Variants in PRELID3B observed in about 807,000 individuals in gnomAD.
The protein encoded by PRELID3B is PRELI domain containing protein 3B.
A neutral mutation model predicts 24.0 loss-of-function variants in PRELID3B; 15 were observed. The observed-to-expected ratio is 0.63, with a 90% confidence interval of 0.42 to 0.96. PRELID3B has a LOEUF of 0.96. Ranked by LOEUF, PRELID3B falls within the 40% of genes least tolerant of loss-of-function variation. The pLI is 0.00. For synonymous variants in PRELID3B, 62 were observed against 76.0 expected, an observed-to-expected ratio of 0.82 and a Z score of 0.96; for missense variants, 189 against 236.0, an observed-to-expected ratio of 0.80 and a Z score of 1.30.
intron 5 of PRELID3B, among the ~76,000 whole-genome samples, chr20:59,036,174 C>A (rs1427120921): frequency 2.0e-5 from 3 of 152,200 alleles, no homozygotes; most frequent in Non-Finnish European, 4.4e-5. Flanking sequence ...TCAGGCTACA[C>A]ACTTTCCATA....
At chr20:59,042,276 C>G (rs1182523574) in intron 1 of PRELID3B, among the ~76,000 whole-genome samples, 1 of 152,260 alleles carries the variant, frequency 6.6e-6, no homozygotes, top group Non-Finnish European at 1.5e-5. Context: ...AAAGTACACT[C>G]TGGAGAAAAC....
chr20:59,038,674 A>G, intron 1 of PRELID3B, 40 bp from the exon 2 acceptor site: 2 of 1,520,108 alleles, frequency 1.3e-6, no homozygotes, highest in East Asian at 2.3e-5. Flanking sequence ...AAAAATTCAG[A>G]CATTTAAAAT....
intron 2 of PRELID3B, among the ~76,000 whole-genome samples, chr20:59,037,563 G>A (rs563037565): frequency 1.3e-5 from 2 of 152,334 alleles, no homozygotes; most frequent in South Asian, 2.1e-4. Flanking sequence ...GCGGTGCGAC[G>A]GTGGAGCGCT....
intron 5 of PRELID3B, 88 bp downstream of exon 5, chr20:59,036,383 G>T: frequency 2.0e-6 from 2 of 1,005,566 alleles, no homozygotes; most frequent in Non-Finnish European, 3.1e-6. Context: ...GCAAGGGTCA[G>T]CTTACAAGGA....
Position 59,038,607 on chromosome 20 carries a change from A to T in PRELID3B, c.60T>A (p.Ala20=). 6.2e-7 allele frequency: 1 copy of T among 1,611,632 alleles called. No individual in the cohort carries two copies. ...FDHPWETVTT[A]AMQKYPNPMN... is the part of the protein sequence containing the mutation. ...TAGGGTTTGGGTATTTCTGCATTGC[A>T]GCTGTTGTAACAGTTTCCCACGGGT... The change falls in exon 2 of 6, where the codon GCT becomes GCA. Residue 20 remains alanine (A), a synonymous_variant. Transcript: ENST00000355937.
chr20:59,036,737 T>C lies in PRELID3B; in HGVS notation c.315A>G (p.Ser105=), dbSNP rs781082585. 5.0e-6 allele frequency: 8 copies of C among 1,587,442 alleles called. No individual in the cohort carries two copies. In the South Asian group the frequency reaches 5.7e-5, roughly 11 times the overall value. The part of the protein sequence containing the change: ...STNISFTNMV[S]VDERLIYKPH... The stretch of plus-strand genomic sequence containing the variant: ...GTTTGTATATAAGTCTCTCATCTAC[T>C]GAAACCATGTTTGTAAATGAAATCT... Residue 105 remains serine, a synonymous_variant, in exon 4 of 6, where the codon TCA becomes TCG. Coordinates refer to ENST00000355937, the MANE Select transcript of PRELID3B (RefSeq NM_016045.3).
intron 2 of PRELID3B, among the ~76,000 whole-genome samples, chr20:59,037,490 G>A (rs1205150261): frequency 6.6e-6 from 1 of 152,226 alleles, no homozygotes; most frequent in Non-Finnish European, 1.5e-5. Context: ...ACTTTTCCCG[G>A]AGGCAATTAG....
Position 59,034,284 on chromosome 20 carries a change from A to G in PRELID3B, c.*723T>C, listed in dbSNP as rs200543949. ...AGAGCACTGCAAAACTCAGGTAATG[A>G]CTTTATTTTTTTCAGTTAACATAAC... is the stretch of plus-strand genomic sequence containing the variant. On this transcript the variant is annotated 3_prime_UTR_variant, in exon 6 of 6. Transcript: ENST00000355937. 1 of 152,248 alleles carries G rather than the reference A, an allele frequency of 6.6e-6. No homozygotes were observed. The highest frequency in any genetic ancestry group is 1.9e-4 in the East Asian group (1 of 5,200). The allele number at this position is 152,248 out of a possible 1,614,324, so 9.4% of individuals were successfully genotyped here.
In PRELID3B at chr20:59,037,260, C is replaced by T. The variant is rs745389961; in HGVS notation, c.222G>A (p.Thr74=). The T allele has an allele frequency of 4.4e-5, 71 of 1,613,638 alleles. No individual in the cohort carries two copies. The highest frequency in any genetic ancestry group is 5.5e-5 in the Non-Finnish European group (65 of 1,179,722). Residue 74 remains threonine, a synonymous_variant, in exon 3 of 6, where the codon ACG becomes ACA. Transcript: ENST00000355937. The part of the protein sequence containing the change: ...IVKSLIGAAR[T]KTYVQEHSVV... ...CAGAATGTTCTTGCACATATGTTTT[C>T]GTTCTTGCTGCACCAATAAGCTAAG...
At chr20:59,042,500 G>A (rs569994672) in intron 1 of PRELID3B, among the ~76,000 whole-genome samples, 199 bp downstream of exon 1, 1 of 152,312 alleles carries the variant, frequency 6.6e-6, no homozygotes, top group Non-Finnish European at 1.5e-5. Flanking sequence ...CTGGAGGTCG[G>A]AGCCGTCCCC....
rs1180612107 is a variant in PRELID3B, at chr20:59,033,573, G to A, written c.*1434C>T. The A allele has an allele frequency of 1.3e-5, 2 of 152,090 alleles. No homozygotes were observed. Among genetic ancestry groups the A allele is most frequent in the African/African-American group, 2.4e-5 (1 of 41,430 alleles). The allele number at this position is 152,090 out of a possible 1,614,324, so 9.4% of individuals were successfully genotyped here. On this transcript the variant is annotated 3_prime_UTR_variant, in exon 6 of 6. Coordinates refer to ENST00000355937, the MANE Select transcript of PRELID3B (RefSeq NM_016045.3). ...CCTGCTTTTACAAATGTCCTAAGAAGTCTTAAGCTAAACAAAATTTAAGTA... is the reference window on the plus strand; with the variant it reads ...CCTGCTTTTACAAATGTCCTAAGAAATCTTAAGCTAAACAAAATTTAAGTA...
At chr20:59,038,779 C>T in intron 1 of PRELID3B, 145 bp from the exon 2 acceptor site, 1 of 1,062,242 alleles carries the variant, frequency 9.4e-7, no homozygotes, top group Non-Finnish European at 1.3e-6. Context: ...CCTTCTGAAA[C>T]ACTGATGATT....
Position 59,038,645 on chromosome 20 carries a change from G to C in PRELID3B, c.33-11C>G, listed in dbSNP as rs368511873. 8.4e-6 allele frequency: 11 copies of C among 1,308,044 alleles called. No individual in the cohort carries two copies. In the South Asian group the frequency reaches 2.0e-4, roughly 23 times the overall value. 81.0% of individuals were successfully genotyped at this position (1,308,044 alleles called of 1,614,324 possible). Reference sequence around the variant, plus strand: ...GTTTCCCACGGGTGGCTGCCGATGTGAACCAAAAAAAAAAAAAAAAAAATT... The same window carrying C: ...GTTTCCCACGGGTGGCTGCCGATGTCAACCAAAAAAAAAAAAAAAAAAATT... On this transcript the variant is annotated splice_polypyrimidine_tract_variant and intron_variant, in intron 1 of 5. Transcript: ENST00000355937.
chr20:59,037,156 A>C, intron 3 of PRELID3B, 35 bp downstream of exon 3: 1 of 1,492,106 alleles, frequency 6.7e-7, no homozygotes, highest in Non-Finnish European at 9.3e-7. Flanking sequence ...TCAGCCAGAC[A>C]GTTCGAAATG....
intron 1 of PRELID3B, 107 bp downstream of exon 1, chr20:59,042,592 C>CGCTA (rs1463729398): frequency 1.5e-6 from 2 of 1,319,258 alleles, no homozygotes; most frequent in African/African-American, 1.5e-5. Context: ...TCGCTCCCCT[C>CGCTA]GCTAGGCCCG....
At chr20:59,036,928 C>CAAAGTTGAGGAAA in intron 3 of PRELID3B, among the ~76,000 whole-genome samples, 168 bp from the exon 4 acceptor site, 1 of 152,174 alleles carries the variant, frequency 6.6e-6, no homozygotes, top group Admixed American at 6.5e-5. Context: ...ATTTAAAAAG[C>CAAAGTTGAGGAAA]AAAGTTGAGG....
At position 59,038,624 on chromosome 20, in the gene PRELID3B, C is replaced by T. The variant is rs2092090891; in HGVS notation, c.43G>A (p.Glu15Lys). 1 of 1,589,696 alleles carries T rather than the reference C, an allele frequency of 6.3e-7. No individual in the cohort carries two copies. Among genetic ancestry groups the T allele is most frequent in the African/African-American group, 1.4e-5 (1 of 71,496 alleles). ...TGCATTGCAGCTGTTGTAACAGTTT[C>T]CCACGGGTGGCTGCCGATGTGAACC... The part of the protein sequence containing the change: ...TSEHVFDHPW[E>K]TVTTAAMQKY... Residue 15 changes from glutamate to lysine, a missense_variant, in exon 2 of 6, where the codon GAA (glutamate) becomes AAA (lysine). Coordinates refer to ENST00000355937, the MANE Select transcript of PRELID3B (RefSeq NM_016045.3).
rs61329417 is a variant in PRELID3B, at chr20:59,038,649, CAAA to C, written c.33-18_33-16del. On this transcript the variant is annotated splice_polypyrimidine_tract_variant and intron_variant, in intron 1 of 5. Coordinates refer to ENST00000355937, the MANE Select transcript of PRELID3B (RefSeq NM_016045.3). ...CCCACGGGTGGCTGCCGATGTGAAC[CAAA>C]AAAAAAAAAAAAAAAATTCAGACAT... The C allele has an allele frequency of 0.019, 23,118 of 1,239,064 alleles. No homozygotes were observed. Among genetic ancestry groups the C allele is most frequent in the South Asian group, 0.058 (2,662 of 46,220 alleles). The allele number at this position is 1,239,064 out of a possible 1,614,324, so 76.8% of individuals were successfully genotyped here. A position where few individuals can be genotyped will look rare whatever the true frequency, so the allele number is the denominator to read the frequency against.
At chr20:59,037,418 C>T in intron 2 of PRELID3B, 138 bp from the exon 3 acceptor site, 1 of 743,746 alleles carries the variant, frequency 1.3e-6, no homozygotes, top group East Asian at 2.7e-5. Flanking sequence ...AGGAAACAAG[C>T]AAAGGTCAGA....
Sources: gnomAD v4.1 joint callset for allele counts (sites outside exome capture counted in the v4.1 genomes callset) on GRCh38, gnomAD v4.1.1 for gene constraint, MANE v1.5 for transcripts, NCBI Gene and HGNC (gene_info 2026-07-23, HGNC 2026-07-21) for gene names.